Variants in CEP112 observed in about 807,000 individuals in gnomAD.
CEP112 encodes the protein centrosomal protein 112, also known as centrosomal protein of 112 kDa.
Under a neutral mutation model 153.0 loss-of-function variants are expected in CEP112, and 127 were observed. The observed-to-expected ratio is 0.83, with a 90% CI of 0.72 to 0.96. The LOEUF (loss-of-function observed/expected upper bound fraction) is 0.96. Ranked by LOEUF, CEP112 falls within the 40% of genes least tolerant of loss-of-function variation. The pLI is 0.00. For missense variants in CEP112, 1,089 were observed against 1,101.2 expected, an observed-to-expected ratio of 0.99 and a Z score of 0.16; for synonymous variants, 358 against 374.4, an observed-to-expected ratio of 0.96 and a Z score of 0.51.
chr17:65,917,387 C>A (rs2060532750), intron 19 of CEP112, among the ~76,000 whole-genome samples: 2 of 152,044 alleles, frequency 1.3e-5, no homozygotes, highest in African/African-American at 2.4e-5. Flanking sequence ...TCATACATAT[C>A]TAGAAATCAA....
rs903523026 is a variant in CEP112 at position 65,649,229 on chromosome 17, G to T, written c.2698-8164C>A. Among the ~76,000 whole-genome samples the T allele has an allele frequency of 6.6e-5, 10 of 152,118 alleles. No individual in the cohort carries two copies. The East Asian group carries it at 1.9e-3, about 29-fold the overall frequency. On this transcript the variant is annotated intron_variant, in intron 24 of 26. Transcript: ENST00000535342. ...GTGCAGCTCTGTGCAATCAGCTTAG[G>T]CACAGGCCTCAAATGCAAGTTATTT... is the stretch of plus-strand genomic sequence containing the variant.
At chr17:65,750,529 T>C (rs2051759704) in intron 22 of CEP112, 133 bp downstream of exon 22, 1 of 690,412 alleles carries the variant, frequency 1.4e-6, no homozygotes, top group Non-Finnish European at 2.5e-6. Flanking sequence ...TGTATACCCA[T>C]AAAAATATGA....
At chr17:65,679,215 T>C (rs7211466) in intron 24 of CEP112, among the ~76,000 whole-genome samples, 3 of 133,200 alleles carry the variant, frequency 2.3e-5, no homozygotes, top group Non-Finnish European at 4.6e-5. Flanking sequence ...GAGAATAACA[T>C]GTGGCCAAAA....
chr17:66,057,758 T>TACACACAC lies in CEP112; in HGVS notation c.1075-3887_1075-3880dup, dbSNP rs71160526. Among the ~76,000 whole-genome samples, 307 of 142,476 alleles carry TACACACAC rather than the reference T, an allele frequency of 2.2e-3. 2 individuals are homozygous for TACACACAC. The highest frequency in any genetic ancestry group is 8.0e-3 in the African/African-American group (302 of 37,936). The allele number at this position is 142,476 out of a possible 152,430, so 93.5% of individuals were successfully genotyped here. ...AGCCCAGATTTACATAAAATTACTC[T>TACACACAC]ACACACACACACACACACACACACA... is the stretch of plus-strand genomic sequence containing the variant. On this transcript the variant is annotated intron_variant, in intron 11 of 26. Coordinates refer to ENST00000535342, the MANE Select transcript of CEP112 (RefSeq NM_001199165.4).
intron 12 of CEP112, among the ~76,000 whole-genome samples, chr17:66,051,554 T>C (rs890908511): frequency 2.0e-5 from 3 of 152,150 alleles, no homozygotes; most frequent in African/African-American, 7.2e-5. Flanking sequence ...AACCCACAAC[T>C]GTCTGACCCT....
chr17:65,734,732 C>T (rs952727288), intron 23 of CEP112, among the ~76,000 whole-genome samples: 1 of 152,118 alleles, frequency 6.6e-6, no homozygotes. Flanking sequence ...AAAATCTAGT[C>T]TCACACAGAT....
intron 25 of CEP112, among the ~76,000 whole-genome samples, chr17:65,637,884 C>T (rs1036412247): frequency 7.2e-5 from 11 of 152,168 alleles, no homozygotes; most frequent in African/African-American, 2.7e-4. Context: ...TTACTGCTTT[C>T]TGGAAACCTC....
chr17:66,163,649 G>GT (rs1288027144), intron 4 of CEP112, among the ~76,000 whole-genome samples: 11 of 151,968 alleles, frequency 7.2e-5, no homozygotes, highest in South Asian at 6.2e-4. Context: ...TTAAGACTTC[G>GT]TATTTCCAAC....
intron 18 of CEP112, among the ~76,000 whole-genome samples, chr17:65,936,754 TAAC>T (rs2061318539): frequency 1.4e-5 from 2 of 145,882 alleles, no homozygotes; most frequent in African/African-American, 5.0e-5. Context: ...TAAAAACTCT[TAAC>T]AAATTAAGTA....
intron 4 of CEP112, among the ~76,000 whole-genome samples, chr17:66,168,477 GTA>G (rs758192257): frequency 6.0e-5 from 9 of 149,908 alleles, no homozygotes; most frequent in East Asian, 2.0e-4. Flanking sequence ...GTGTATATAT[GTA>G]TATATGTGTG....
intron 18 of CEP112, among the ~76,000 whole-genome samples, chr17:65,951,372 T>C (rs2061822828): frequency 6.6e-6 from 1 of 152,168 alleles, no homozygotes; most frequent in Non-Finnish European, 1.5e-5. Flanking sequence ...GACTTTTCTT[T>C]GTGAGAATAT....
chr17:65,981,892 T>G (rs926694273), intron 17 of CEP112, among the ~76,000 whole-genome samples: 3 of 152,100 alleles, frequency 2.0e-5, no homozygotes. Context: ...TTTTTTGGAT[T>G]TGCAAATATA....
At position 65,949,154 on chromosome 17, in the gene CEP112, T is replaced by C. The variant is rs968867221; in HGVS notation, c.1872+12309A>G. Among the ~76,000 whole-genome samples, 2 of 152,250 alleles carry C rather than the reference T, an allele frequency of 1.3e-5. 1 individual carries two copies. Among genetic ancestry groups the C allele is most frequent in the South Asian group, 4.1e-4 (2 of 4,834 alleles). On this transcript the variant is annotated intron_variant, in intron 18 of 26. Transcript: ENST00000535342. ...CTGTAATCAAAGACACAATTTACCA[T>C]GTTTGACATATATATTTTAATATTT...
At chr17:65,671,757 A>G (rs956596518) in intron 24 of CEP112, among the ~76,000 whole-genome samples, 10 of 152,210 alleles carry the variant, frequency 6.6e-5, no homozygotes, top group Middle Eastern at 3.2e-3. Context: ...TCTAGTGGAA[A>G]TGACAAAATA....
At chr17:65,761,562 T>A (rs1278410419) in intron 21 of CEP112, among the ~76,000 whole-genome samples, 2 of 152,190 alleles carry the variant, frequency 1.3e-5, no homozygotes, top group Non-Finnish European at 2.9e-5. Flanking sequence ...CTTTAATCAC[T>A]GCTTTCTCCC....
At chr17:65,668,019 C>T (rs1221685551) in intron 24 of CEP112, among the ~76,000 whole-genome samples, 1 of 152,050 alleles carries the variant, frequency 6.6e-6, no homozygotes, top group African/African-American at 2.4e-5. Flanking sequence ...GGTTCAGCCT[C>T]CCAAGTAGCT....
chr17:65,861,718 A>C (rs1005566522), intron 20 of CEP112, among the ~76,000 whole-genome samples: 1 of 152,242 alleles, frequency 6.6e-6, no homozygotes, highest in Non-Finnish European at 1.5e-5. Context: ...CCATATTTGC[A>C]AAACTCAAGA....
intron 16 of CEP112, among the ~76,000 whole-genome samples, chr17:66,023,873 A>ATT (rs2065094957): frequency 6.6e-6 from 1 of 152,212 alleles, no homozygotes; most frequent in Non-Finnish European, 1.5e-5. Context: ...TGAACAAAAA[A>ATT]AGTAAAGACC....
At chr17:65,970,000 T>C (rs980204330) in intron 17 of CEP112, among the ~76,000 whole-genome samples, 4 of 151,862 alleles carry the variant, frequency 2.6e-5, no homozygotes, top group African/African-American at 9.7e-5. Flanking sequence ...GTTACACACA[T>C]ATCACATGTG....
Sources: allele counts gnomAD v4.1 joint callset (sites outside exome capture counted in the v4.1 genomes callset), GRCh38; gene constraint gnomAD v4.1.1; transcripts MANE v1.5; gene names NCBI Gene and HGNC (gene_info 2026-07-23, HGNC 2026-07-21).